Variants in INPP5A observed in about 807,000 individuals in gnomAD.
INPP5A encodes the protein 43 kDa inositol polyphosphate 5-phophatase.
INPP5A carries 14 observed loss-of-function variants against 65.2 expected under a neutral mutation model. The ratio of observed to expected loss-of-function variants is 0.21; its 90% CI spans 0.14 to 0.34. INPP5A has a LOEUF of 0.34. Among genes scored for constraint, INPP5A ranks in the 10% least tolerant of loss-of-function variants. The pLI is 1.00. For missense variants in INPP5A, 431 were observed against 545.6 expected (o/e 0.79, Z 2.09); for synonymous variants, 207 against 208.3 (o/e 0.99, Z 0.05).
intron 1 of INPP5A, among the ~76,000 whole-genome samples, chr10:132,568,486 A>T (rs1388608424): frequency 6.6e-6 from 1 of 151,848 alleles, no homozygotes; most frequent in Non-Finnish European, 1.5e-5. Flanking sequence ...AGCTACTGGG[A>T]TTACTGGGAG....
chr10:132,687,838 C>T (rs560011522), intron 4 of INPP5A, among the ~76,000 whole-genome samples: 10 of 152,366 alleles, frequency 6.6e-5, no homozygotes, highest in Middle Eastern at 3.4e-3. Context: ...CCCCACCAGA[C>T]GCAGCAGAGA....
chr10:132,563,267 T>C (rs1421138878), intron 1 of INPP5A, among the ~76,000 whole-genome samples: 1 of 152,172 alleles, frequency 6.6e-6, no homozygotes, highest in Admixed American at 6.5e-5. Context: ...GCGGTGGCAT[T>C]GGCATTGCTG....
intron 9 of INPP5A, among the ~76,000 whole-genome samples, chr10:132,737,966 A>G (rs996213198): frequency 1.3e-5 from 2 of 152,166 alleles, no homozygotes; most frequent in African/African-American, 4.8e-5. Flanking sequence ...AATATTTTCA[A>G]CTGGTATATT....
intron 1 of INPP5A, among the ~76,000 whole-genome samples, chr10:132,566,756 C>T (rs2071279156): frequency 1.3e-5 from 2 of 152,294 alleles, no homozygotes; most frequent in South Asian, 2.1e-4. Flanking sequence ...TCAGGCATTT[C>T]CACTAGTGTC....
intron 11 of INPP5A, among the ~76,000 whole-genome samples, chr10:132,761,944 T>C (rs201313313): frequency 1.3e-5 from 2 of 151,956 alleles, no homozygotes; most frequent in East Asian, 3.9e-4. Context: ...AGTACCACAC[T>C]ATGAAAAAAA....
At chr10:132,579,782 C>G (rs959264363) in intron 1 of INPP5A, among the ~76,000 whole-genome samples, 8 of 151,946 alleles carry the variant, frequency 5.3e-5, no homozygotes, top group Non-Finnish European at 8.8e-5. Flanking sequence ...GAAGATTGAG[C>G]AGGTTTTTAA....
Position 132,676,744 on chromosome 10 carries a change from C to T in INPP5A, c.307-13648C>T, listed in dbSNP as rs995375661. Among the ~76,000 whole-genome samples the T allele has an allele frequency of 1.1e-4, 17 of 152,218 alleles. No individual in the cohort carries two copies. Among genetic ancestry groups the T allele is most frequent in the African/African-American group, 1.9e-4 (8 of 41,462 alleles). On this transcript the variant is annotated intron_variant, in intron 4 of 15. Coordinates refer to ENST00000368594, the MANE Select transcript of INPP5A (RefSeq NM_005539.5). This position sits in a 1 kb window ranked among gnomAD's most constrained non-coding sequence, Gnocchi z 4.0. ...AGGTTCCGTCCTAGTCCCTGACCGG[C>T]CCCTCCTGTTTCCCCCGTGGCTCCT...
chr10:132,572,345 A>G (rs1040869199), intron 1 of INPP5A, among the ~76,000 whole-genome samples: 2 of 152,182 alleles, frequency 1.3e-5, no homozygotes, highest in Non-Finnish European at 2.9e-5. Flanking sequence ...CCTCACCTGG[A>G]CCAGAGGCCT....
At chr10:132,564,608 A>G (rs1488963337) in intron 1 of INPP5A, among the ~76,000 whole-genome samples, 2 of 152,222 alleles carry the variant, frequency 1.3e-5, no homozygotes, top group African/African-American at 2.4e-5. Flanking sequence ...AGAAGTTTAT[A>G]TAACAAGAGT....
chr10:132,762,206 A>G lies in INPP5A; in HGVS notation c.904-3567A>G, dbSNP rs1019111744. ...CCACGAGGGGCACACTGGAGAGTCA[A>G]TGGCTGGGCGTTTTCCAGAATTATC... On this transcript the variant is annotated intron_variant, in intron 11 of 15. Coordinates refer to ENST00000368594, the MANE Select transcript of INPP5A (RefSeq NM_005539.5). This position sits in a 1 kb window ranked among gnomAD's most constrained non-coding sequence, Gnocchi z 4.6. Among the ~76,000 whole-genome samples the G allele has an allele frequency of 3.9e-5, 6 of 152,226 alleles. No homozygotes were observed. Among genetic ancestry groups the G allele is most frequent in the Non-Finnish European group, 8.8e-5 (6 of 68,048 alleles).
At chr10:132,570,780 C>T (rs558524430) in intron 1 of INPP5A, among the ~76,000 whole-genome samples, 27 of 152,216 alleles carry the variant, frequency 1.8e-4, no homozygotes, top group Non-Finnish European at 3.2e-4. Flanking sequence ...TTCTGGGTGA[C>T]TGGCTGGTGC....
At position 132,765,773 on chromosome 10, in the gene INPP5A, C is replaced by G. The variant is rs1173185462; in HGVS notation, c.904C>G (p.Leu302Val). 1.3e-6 allele frequency: 2 copies of G among 1,586,218 alleles called. No homozygotes were observed. The highest frequency in any genetic ancestry group is 1.7e-6 in the Non-Finnish European group (2 of 1,154,492). The change falls in exon 12 of 16, where the codon CTC (leucine) becomes GTC (valine). Residue 302 changes from leucine (L) to valine (V), a missense_variant and splice_region_variant. Leu to Val is a conservative substitution (Grantham distance 32). Transcript: ENST00000368594. Reference protein sequence around the residue: ...EVFRDNNGTALLEFDKELSVF... With the variant: ...EVFRDNNGTAVLEFDKELSVF... ...ATTTTCTGCTCTTTCTTTTCTTTAG[C>G]TCTTGGAGTTTGACAAGGAGTTGTC...
At chr10:132,761,965 T>TA (rs562347826) in intron 11 of INPP5A, among the ~76,000 whole-genome samples, 158 of 151,520 alleles carry the variant, frequency 1.0e-3, no homozygotes, top group African/African-American at 3.5e-3. Context: ...TCCCAACAGA[T>TA]AAAAAAAAGT....
chr10:132,749,791 G>T lies in INPP5A; in HGVS notation c.849G>T (p.Lys283Asn), dbSNP rs1182381974. The T allele has an allele frequency of 2.5e-6, 4 of 1,613,254 alleles. No individual in the cohort carries two copies. The highest frequency in any genetic ancestry group is 3.4e-6 in the Non-Finnish European group (4 of 1,180,010). Residue 283 changes from lysine to asparagine, a missense_variant, in exon 11 of 16, where the codon AAG (lysine) becomes AAT (asparagine). Coordinates refer to ENST00000368594, the MANE Select transcript of INPP5A (RefSeq NM_005539.5). The part of the protein sequence containing the change: ...NDRKVMLQLE[K>N]KLFDYFNQEV... ...CACAGGTTATGCTCCAGTTAGAAAA[G>T]AAACTCTTCGACTACTTCAACCAGG...
At chr10:132,559,456 T>G (rs2071173101) in intron 1 of INPP5A, among the ~76,000 whole-genome samples, 1 of 152,230 alleles carries the variant, frequency 6.6e-6, no homozygotes, top group South Asian at 2.1e-4. Flanking sequence ...CAGAATGTTT[T>G]TATCACCTCT....
Position 132,644,879 on chromosome 10 carries a change from C to T in INPP5A, c.118-989C>T, listed in dbSNP as rs115319418. ...GGGTTTCCTGCCAGGTGAGATGGTT[C>T]GTGTCCTGGCCTGTCAGGACTCCCA... On this transcript the variant is annotated intron_variant, in intron 2 of 15. Transcript: ENST00000368594. The surrounding 1 kb of genome is among the most constrained non-coding windows in gnomAD (Gnocchi z 6.5). Among the ~76,000 whole-genome samples the T allele has an allele frequency of 1.2e-3, 184 of 152,274 alleles. No homozygotes were observed. Among genetic ancestry groups the T allele is most frequent in the Middle Eastern group, 0.01 (3 of 294 alleles).
intron 5 of INPP5A, among the ~76,000 whole-genome samples, chr10:132,691,854 G>A (rs1239671856): frequency 6.6e-6 from 1 of 151,790 alleles, no homozygotes; most frequent in East Asian, 1.9e-4. Context: ...GTGCGGTCGC[G>A]GGAGACGTGT....
intron 1 of INPP5A, among the ~76,000 whole-genome samples, chr10:132,574,955 G>A (rs1333775295): frequency 6.6e-6 from 1 of 152,158 alleles, no homozygotes; most frequent in Non-Finnish European, 1.5e-5. Flanking sequence ...GACTTCTGGT[G>A]GTAAGGAGCT....
rs905994506 is a variant in INPP5A at position 132,741,888 on chromosome 10, C to T, written c.733-7629C>T. Among the ~76,000 whole-genome samples, 4 of 152,198 alleles carry T rather than the reference C, an allele frequency of 2.6e-5. No individual in the cohort carries two copies. Among genetic ancestry groups the T allele is most frequent in the African/African-American group, 9.7e-5 (4 of 41,446 alleles). ...AAACTGCAGCTGGCTGCAGCACCCA[C>T]GAATGGCTTCTTTCCGAGATGTGGC... On this transcript the variant is annotated intron_variant, in intron 9 of 15. Transcript: ENST00000368594. The surrounding 1 kb of genome is among the most constrained non-coding windows in gnomAD (Gnocchi z 4.4).
Sources: allele counts gnomAD v4.1 joint callset (sites outside exome capture counted in the v4.1 genomes callset), GRCh38; gene constraint gnomAD v4.1.1; non-coding constraint Gnocchi (gnomAD v3.1); transcripts MANE v1.5; gene names NCBI Gene and HGNC (gene_info 2026-07-23, HGNC 2026-07-21).